Variants in NAE1 observed in about 807,000 individuals in gnomAD.
NAE1 encodes NEDD8 activating enzyme E1 subunit 1.
In NAE1, 59 loss-of-function variants were observed where a neutral mutation model predicts 88.0. The ratio of observed to expected loss-of-function variants is 0.67; its 90% CI spans 0.54 to 0.83. The LOEUF is 0.83. Ranked by LOEUF, NAE1 falls within the 40% of genes least tolerant of loss-of-function variation. The probability of loss-of-function intolerance (pLI) is 0.00; values close to 1 mark genes in which losing one functional copy is unlikely to be tolerated. For missense variants in NAE1, 554 were observed against 632.8 expected (o/e 0.88, Z 1.34); for synonymous variants, 186 against 208.9 (o/e 0.89, Z 0.95).
At chr16:66,818,498 T>G (rs758962130) in intron 8 of NAE1, 30 bp downstream of exon 8, 1 of 1,548,746 alleles carries the variant, frequency 6.5e-7, no homozygotes, top group Non-Finnish European at 8.8e-7. Context: ...TAAGTCTATC[T>G]GTAAATGTAA....
intron 16 of NAE1, 159 bp from the exon 17 acceptor site, chr16:66,808,772 C>G: frequency 1.5e-6 from 1 of 649,254 alleles, no homozygotes; most frequent in Non-Finnish European, 2.6e-6. Flanking sequence ...ATACATATCA[C>G]ACAATGGACT....
rs767670210 is a variant in NAE1 at position 66,823,571 on chromosome 16, T to A, written c.279A>T (p.Leu93Phe). The change falls in exon 5 of 20, where the codon TTA becomes TTT. Residue 93 changes from leucine to phenylalanine, a missense_variant. Physicochemically the swap from Leu to Phe is conservative, Grantham distance 22. Transcript: ENST00000290810. ...CAGAGACATCGCTATTTAATTCTTG[T>A]AAGAATTCCATGGCAGCTTCAGCTC... Reference protein sequence around the residue: ...KNRAEAAMEFLQELNSDVSGS... With the variant: ...KNRAEAAMEFFQELNSDVSGS... The A allele has an allele frequency of 6.2e-7, 1 of 1,610,170 alleles. No individual in the cohort carries two copies. The highest frequency in any genetic ancestry group is 1.1e-5 in the South Asian group (1 of 89,662).
rs10693264 is a variant in NAE1 at position 66,814,610 on chromosome 16, T to TAC, written c.841-766_841-765dup. ...CCTGTCTCAAAAAAAAAAAAAAAAA[T>TAC]ACACACACACACACACACAAATCAT... On this transcript the variant is annotated intron_variant, in intron 11 of 19. Coordinates refer to ENST00000290810, the MANE Select transcript of NAE1 (RefSeq NM_003905.4). Among the ~76,000 whole-genome samples the TAC allele has an allele frequency of 7.1e-4, 99 of 138,920 alleles. 1 individual carries two copies. The highest frequency in any genetic ancestry group is 3.2e-3 in the East Asian group (15 of 4,686). 91.1% of individuals were successfully genotyped at this position (138,920 alleles called of 152,430 possible).
chr16:66,814,694 GCTCT>G (rs1199497192), intron 11 of NAE1, among the ~76,000 whole-genome samples: 1 of 151,580 alleles, frequency 6.6e-6, no homozygotes, highest in African/African-American at 2.4e-5. Context: ...CCTCCTAACT[GCTCT>G]CTCTGCTTCC....
At position 66,817,502 on chromosome 16, in the gene NAE1, CAAATA is replaced by C; in HGVS notation, c.622-20_622-16del. ...TGACTGTGGTCCTAAAAATGAGAGA[CAAATA>C]AAAGAAAATATCAGTATTATGAATT... On this transcript the variant is annotated splice_polypyrimidine_tract_variant and intron_variant, in intron 8 of 19. Transcript: ENST00000290810. 1 of 1,518,114 alleles carries C rather than the reference CAAATA, an allele frequency of 6.6e-7. No individual in the cohort carries two copies. The highest frequency in any genetic ancestry group is 8.9e-7 in the Non-Finnish European group (1 of 1,125,802). The allele number at this position is 1,518,114 out of a possible 1,614,324, so 94.0% of individuals were successfully genotyped here. A position where few individuals can be genotyped will look rare whatever the true frequency, so the allele number is the denominator to read the frequency against.
chr16:66,829,282 C>T (rs1960597657), intron 1 of NAE1, among the ~76,000 whole-genome samples: 1 of 152,172 alleles, frequency 6.6e-6, no homozygotes, highest in African/African-American at 2.4e-5. Context: ...TACAGTTATA[C>T]CTGCATTAGA....
At chr16:66,826,845 A>G in intron 1 of NAE1, 65 bp from the exon 2 acceptor site, 1 of 1,460,798 alleles carries the variant, frequency 6.8e-7, no homozygotes, top group South Asian at 1.3e-5. Flanking sequence ...TCTTATTTGA[A>G]TGGTGATCTT....
chr16:66,814,328 A>C (rs549384201), intron 11 of NAE1, among the ~76,000 whole-genome samples: 1 of 152,184 alleles, frequency 6.6e-6, no homozygotes, highest in African/African-American at 2.4e-5. Context: ...ACAATGGCTC[A>C]TATCTATAAT....
intron 4 of NAE1, chr16:66,824,467 C>A: frequency 6.4e-6 from 1 of 155,426 alleles, no homozygotes. Context: ...TGGTGGGCGC[C>A]TGTAGTCTCA....
At chr16:66,806,318 T>C (rs1959562305) in intron 17 of NAE1, among the ~76,000 whole-genome samples, 1 of 152,190 alleles carries the variant, frequency 6.6e-6, no homozygotes, top group African/African-American at 2.4e-5. Context: ...AAGAACTTAA[T>C]GAATGAGAAA....
intron 14 of NAE1, 65 bp from the exon 15 acceptor site, chr16:66,810,478 C>A: frequency 7.1e-7 from 1 of 1,416,042 alleles, no homozygotes. Context: ...GGGTGCGGCA[C>A]AAAGCCAATC....
chr16:66,824,055 G>A (rs1371531675), intron 4 of NAE1, among the ~76,000 whole-genome samples: 1 of 152,096 alleles, frequency 6.6e-6, no homozygotes, highest in East Asian at 1.9e-4. Flanking sequence ...TTCTCCTAGT[G>A]TTTAAGACTC....
intron 3 of NAE1, among the ~76,000 whole-genome samples, chr16:66,825,363 C>A (rs576343519): frequency 6.6e-6 from 1 of 150,922 alleles, no homozygotes; most frequent in Admixed American, 6.7e-5. Context: ...AGGAGAATGG[C>A]GTGAACCTGG....
intron 17 of NAE1, among the ~76,000 whole-genome samples, chr16:66,806,446 A>G (rs1002198447): frequency 1.3e-5 from 2 of 151,486 alleles, no homozygotes; most frequent in African/African-American, 4.8e-5. Flanking sequence ...TTTTCTTTTG[A>G]GAGAGAGTCT....
At chr16:66,829,340 G>A (rs1292537299) in intron 1 of NAE1, among the ~76,000 whole-genome samples, 1 of 152,156 alleles carries the variant, frequency 6.6e-6, no homozygotes. Context: ...TTGGTTATAA[G>A]GACTGTTACC....
intron 11 of NAE1, among the ~76,000 whole-genome samples, chr16:66,814,279 C>G (rs1222831568): frequency 1.3e-5 from 2 of 152,110 alleles, no homozygotes. Flanking sequence ...TTATTGCTAG[C>G]AAGATCTTCA....
chr16:66,812,666 C>CCT (rs1185834795), intron 13 of NAE1, among the ~76,000 whole-genome samples: 1 of 147,560 alleles, frequency 6.8e-6, no homozygotes, highest in African/African-American at 2.5e-5. Context: ...TACAGGTGCG[C>CCT]ACCACCACAC....
intron 4 of NAE1, 68 bp from the exon 5 acceptor site, chr16:66,823,668 T>TG: frequency 1.6e-6 from 2 of 1,248,554 alleles, no homozygotes; most frequent in African/African-American, 3.0e-5. Context: ...CCCCAATTTA[T>TG]GGAACAGGCA....
chr16:66,808,480 G>A (rs1959661369), intron 17 of NAE1, 41 bp downstream of exon 17: 2 of 1,264,272 alleles, frequency 1.6e-6, no homozygotes, highest in Admixed American at 2.1e-5. Flanking sequence ...ATGTTTTATT[G>A]AAGATCTTAT....
Sources: allele counts gnomAD v4.1 joint callset (sites outside exome capture counted in the v4.1 genomes callset), GRCh38; gene constraint gnomAD v4.1.1; transcripts MANE v1.5; gene names NCBI Gene and HGNC (gene_info 2026-07-23, HGNC 2026-07-21).